Variants in HACE1 observed in about 807,000 individuals in gnomAD.
HACE1 encodes the protein HECT domain and ankyrin repeat containing E3 ubiquitin protein ligase 1.
In HACE1, 73 loss-of-function variants were observed where a neutral mutation model predicts 118.4. The ratio of observed to expected loss-of-function variants is 0.62; its 90% CI spans 0.51 to 0.75. The LOEUF is 0.75. Among genes scored for constraint, HACE1 ranks in the 30% least tolerant of loss-of-function variants. HACE1 has a pLI of 0.00. For missense variants in HACE1, 749 were observed against 1,102.2 expected, an observed-to-expected ratio of 0.68 and a Z score of 4.54; for synonymous variants, 368 against 374.8, an observed-to-expected ratio of 0.98 and a Z score of 0.21.
chr6:104,826,437 T>C (rs560740510), intron 6 of HACE1, among the ~76,000 whole-genome samples: 26 of 152,344 alleles, frequency 1.7e-4, no homozygotes, highest in African/African-American at 6.3e-4. Flanking sequence ...TTTTCTATGA[T>C]TTGGATTCAA....
At chr6:104,737,685 G>A (rs544456595) in intron 22 of HACE1, among the ~76,000 whole-genome samples, 3 of 152,272 alleles carry the variant, frequency 2.0e-5, no homozygotes, top group African/African-American at 7.2e-5. Flanking sequence ...CCTACCCCAC[G>A]GAGTCTCGCT....
At chr6:104,791,711 C>CTTA in intron 10 of HACE1, 57 bp from the exon 11 acceptor site, 1 of 1,156,080 alleles carries the variant, frequency 8.6e-7, no homozygotes, top group Non-Finnish European at 1.3e-6. Flanking sequence ...TATTAAAATA[C>CTTA]TTATTTTAAA....
At chr6:104,802,340 T>C (rs1240176751) in intron 7 of HACE1, among the ~76,000 whole-genome samples, 2 of 152,170 alleles carry the variant, frequency 1.3e-5, no homozygotes, top group East Asian at 1.9e-4. Context: ...TATCCAGGAA[T>C]TGAACTCAGC....
chr6:104,749,948 CCTT>C (rs1777857982), intron 20 of HACE1, among the ~76,000 whole-genome samples: 1 of 151,904 alleles, frequency 6.6e-6, no homozygotes, highest in Admixed American at 6.6e-5. Context: ...ATAAGAAAAA[CCTT>C]CTTAATTCTT....
At chr6:104,761,808 G>A (rs1460944863) in intron 19 of HACE1, among the ~76,000 whole-genome samples, 4 of 152,078 alleles carry the variant, frequency 2.6e-5, no homozygotes, top group Non-Finnish European at 5.9e-5. Flanking sequence ...ATCTGACAAA[G>A]GGTTAATATC....
rs774289142 is a variant in HACE1 at position 104,744,470 on chromosome 6, CG to C, written c.2442+41del. 3 of 1,116,060 alleles carry C rather than the reference CG, an allele frequency of 2.7e-6. No homozygotes were observed. In the East Asian group the frequency reaches 7.1e-5, roughly 26 times the overall value. The allele number at this position is 1,116,060 out of a possible 1,614,324, so 69.1% of individuals were successfully genotyped here. ...GTGCTGAAAAGCTTACAAAATTAAA[CG>C]GCAAAACTTAACTTCATTCTAAGCT... On this transcript the variant is annotated intron_variant, in intron 21 of 23. Transcript: ENST00000262903.
chr6:104,851,037 T>C (rs1217374080), intron 2 of HACE1, 41 bp from the exon 3 acceptor site: 1 of 1,179,782 alleles, frequency 8.5e-7, no homozygotes, highest in Admixed American at 1.7e-5. Flanking sequence ...GTAAAAAAAG[T>C]TTTTAAAAAC....
At chr6:104,805,730 A>G (rs1052172435) in intron 7 of HACE1, among the ~76,000 whole-genome samples, 1 of 152,178 alleles carries the variant, frequency 6.6e-6, no homozygotes, top group Non-Finnish European at 1.5e-5. Context: ...GGGGAGGGAT[A>G]GCATTAGGAG....
intron 22 of HACE1, among the ~76,000 whole-genome samples, chr6:104,737,401 T>G (rs1776004256): frequency 6.6e-6 from 1 of 151,840 alleles, no homozygotes; most frequent in South Asian, 2.1e-4. Flanking sequence ...GATTTCTGCA[T>G]TTCCATCTGA....
At chr6:104,743,404 A>G (rs1777049360) in intron 22 of HACE1, among the ~76,000 whole-genome samples, 1 of 152,002 alleles carries the variant, frequency 6.6e-6, no homozygotes, top group East Asian at 1.9e-4. Flanking sequence ...AAGAAAATAT[A>G]TTAAATTGTT....
At chr6:104,764,291 T>A (rs948610674) in intron 19 of HACE1, among the ~76,000 whole-genome samples, 1 of 152,154 alleles carries the variant, frequency 6.6e-6, no homozygotes. Flanking sequence ...TTGGCCAGAC[T>A]GGTCTGAAAC....
intron 6 of HACE1, among the ~76,000 whole-genome samples, chr6:104,827,319 A>G (rs568637462): frequency 2.0e-4 from 31 of 152,206 alleles, no homozygotes; most frequent in Non-Finnish European, 3.8e-4. Context: ...AAGTGTCCTT[A>G]CTTTTTTTAT....
intron 6 of HACE1, among the ~76,000 whole-genome samples, chr6:104,827,403 C>CATGTG (rs1773446431): frequency 6.6e-6 from 1 of 152,148 alleles, no homozygotes; most frequent in Non-Finnish European, 1.5e-5. Context: ...TCCCAACTCA[C>CATGTG]TAATCAGTGA....
intron 19 of HACE1, among the ~76,000 whole-genome samples, chr6:104,763,655 C>T: frequency 6.6e-6 from 1 of 151,942 alleles, no homozygotes; most frequent in East Asian, 1.9e-4. Context: ...AGGGTAGCTA[C>T]AGCAGCACAG....
chr6:104,746,447 TTGGAGCCTGGG>T (rs1405035826), intron 20 of HACE1, among the ~76,000 whole-genome samples: 1 of 152,212 alleles, frequency 6.6e-6, no homozygotes, highest in African/African-American at 2.4e-5. Flanking sequence ...TGGTTTGGGT[TTGGAGCCTGGG>T]AAACATAGGC....
Position 104,751,891 on chromosome 6 carries a change from A to AT in HACE1, c.2212-1420dup, listed in dbSNP as rs201000549. ...AACTCTGTTTTAGCCCTCTTCCTTT[A>AT]TTTTTCTTTTTTTGGCACTAATCTG... On this transcript the variant is annotated intron_variant, in intron 19 of 23. Coordinates refer to ENST00000262903, the MANE Select transcript of HACE1 (RefSeq NM_020771.4). Among the ~76,000 whole-genome samples, 293 of 129,272 alleles carry AT rather than the reference A, an allele frequency of 2.3e-3. 2 individuals carry two copies. The highest frequency in any genetic ancestry group is 7.9e-3 in the African/African-American group (243 of 30,718). 84.8% of individuals were successfully genotyped at this position (129,272 alleles called of 152,430 possible).
At chr6:104,763,867 T>A (rs1157784820) in intron 19 of HACE1, among the ~76,000 whole-genome samples, 1 of 152,054 alleles carries the variant, frequency 6.6e-6, no homozygotes, top group African/African-American at 2.4e-5. Flanking sequence ...CTGGCCAACA[T>A]GGTGAAACCT....
Position 104,859,836 on chromosome 6 carries a change from C to G in HACE1, c.-194G>C, listed in dbSNP as rs1424086959. On this transcript the variant is annotated 5_prime_UTR_variant, in exon 1 of 24. Transcript: ENST00000262903. ...GCCGGGCTGCTGCCGGACCGACCAC[C>G]TACAGTACACCCGCCGCCGCCTCTG... 3.8e-6 allele frequency: 2 copies of G among 531,362 alleles called. No homozygotes were observed. The highest frequency in any genetic ancestry group is 3.3e-6 in the Non-Finnish European group (1 of 307,108). The allele number at this position is 531,362 out of a possible 1,614,324, so 32.9% of individuals were successfully genotyped here. A position where few individuals can be genotyped will look rare whatever the true frequency, so the allele number is the denominator to read the frequency against.
At chr6:104,772,100 T>TTTTTGTA (rs759555988) in intron 17 of HACE1, 26 bp from the exon 18 acceptor site, 68 of 1,266,352 alleles carry the variant, frequency 5.4e-5, no homozygotes, top group Non-Finnish European at 7.3e-5. Flanking sequence ...CAAAATAATA[T>TTTTTGTA]ATTATTAAGA....
Sources: allele counts gnomAD v4.1 joint callset (sites outside exome capture counted in the v4.1 genomes callset), GRCh38; gene constraint gnomAD v4.1.1; transcripts MANE v1.5; gene names NCBI Gene and HGNC (gene_info 2026-07-23, HGNC 2026-07-21).